Variants in EVC2 observed in about 807,000 individuals in gnomAD.
EVC2 encodes EvC ciliary complex subunit 2.
Under a neutral mutation model 149.3 loss-of-function variants are expected in EVC2, and 148 were observed. That is an observed-to-expected ratio of 0.99 (90% CI 0.87 to 1.14). The LOEUF is 1.14. Among genes scored for constraint, EVC2 ranks in the 50% most tolerant of loss-of-function variants. The probability of loss-of-function intolerance (pLI) is 0.00; values close to 1 mark genes in which losing one functional copy is unlikely to be tolerated. For synonymous variants in EVC2, 776 were observed against 649.9 expected, an observed-to-expected ratio of 1.19 and a Z score of -2.95; for missense variants, 1,854 against 1,627.3, an observed-to-expected ratio of 1.14 and a Z score of -2.40.
Position 5,568,527 on chromosome 4 carries a change from C to A in EVC2, c.3474G>T (p.Leu1158=). The change falls in exon 20 of 22, where the codon CTG becomes CTT. Residue 1158 remains leucine, a synonymous_variant. Transcript: ENST00000344408. The stretch of plus-strand genomic sequence containing the variant: ...CATGTCTCTCGGTGGCCGAATCCAG[C>A]AGGGCCAGCAGCTGAGGCTGTGAGG... ...PTASQPQLLA[L]LDSATERHVD... 1 of 1,591,998 alleles carries A rather than the reference C, an allele frequency of 6.3e-7. No individual in the cohort carries two copies. The highest frequency in any genetic ancestry group is 2.3e-5 in the East Asian group (1 of 44,258).
chr4:5,666,273 T>TTATACTCTA (rs1719279692), intron 7 of EVC2, among the ~76,000 whole-genome samples: 1 of 137,788 alleles, frequency 7.3e-6, no homozygotes, highest in African/African-American at 2.6e-5. Flanking sequence ...TTATTGTTTA[T>TTATACTCTA]AGGTTAATCC....
In EVC2 at chr4:5,696,201, TAA is replaced by T. The variant is rs1278170796; in HGVS notation, c.283+1390_283+1391del. 6.6e-6 allele frequency among the ~76,000 whole-genome samples: 1 copy of T among 152,300 alleles called. No homozygotes were observed. Among genetic ancestry groups the T allele is most frequent in the East Asian group, 1.9e-4 (1 of 5,168 alleles). ...GCTTGTGCAGCAAGCAACCAGGACA[TAA>T]AGTCTTAAGGCCACACCTTACCCTT... On this transcript the variant is annotated intron_variant, in intron 2 of 21. Transcript: ENST00000344408. The surrounding 1 kb of genome is among the most constrained non-coding windows in gnomAD (Gnocchi z 4.1).
chr4:5,646,527 C>T (rs1013710252), intron 9 of EVC2, among the ~76,000 whole-genome samples: 1 of 152,098 alleles, frequency 6.6e-6, no homozygotes, highest in Non-Finnish European at 1.5e-5. Context: ...ATTTTTTAAG[C>T]TGAAATTCTT....
chr4:5,604,443 G>A (rs1294352313), intron 16 of EVC2, among the ~76,000 whole-genome samples: 1 of 152,128 alleles, frequency 6.6e-6, no homozygotes, highest in African/African-American at 2.4e-5. Flanking sequence ...GTGAAATAAG[G>A]CAGCCACAGA....
At chr4:5,590,668 G>A (rs760571302) in intron 16 of EVC2, among the ~76,000 whole-genome samples, 6 of 151,834 alleles carry the variant, frequency 4.0e-5, no homozygotes, top group Non-Finnish European at 7.3e-5. Flanking sequence ...CTCAGTGAGG[G>A]TTTTAGTGTC....
At chr4:5,647,347 G>T (rs1454558696) in intron 9 of EVC2, among the ~76,000 whole-genome samples, 1 of 152,142 alleles carries the variant, frequency 6.6e-6, no homozygotes, top group Non-Finnish European at 1.5e-5. Flanking sequence ...TATATATTTG[G>T]TAGGTTTTGA....
intron 5 of EVC2, among the ~76,000 whole-genome samples, chr4:5,688,514 T>G (rs1720873980): frequency 6.6e-6 from 1 of 152,160 alleles, no homozygotes; most frequent in African/African-American, 2.4e-5. Flanking sequence ...CTAGGGAAAC[T>G]AAGTTCTGAA....
Position 5,618,189 on chromosome 4 carries a change from T to A in EVC2, c.2706+289A>T, listed in dbSNP as rs1469366447. ...GAGTAATATCTCAGGCCAGGCAGCT[T>A]CCCTCAGGAGATTGTGGCTGCGCAA... On this transcript the variant is annotated intron_variant, in intron 15 of 21. Transcript: ENST00000344408. This position sits in a 1 kb window ranked among gnomAD's most constrained non-coding sequence, Gnocchi z 4.4. 6.6e-6 allele frequency among the ~76,000 whole-genome samples: 1 copy of A among 152,080 alleles called. No homozygotes were observed. Among genetic ancestry groups the A allele is most frequent in the Non-Finnish European group, 1.5e-5 (1 of 68,024 alleles).
Position 5,618,561 on chromosome 4 carries a change from C to T in EVC2, c.2623G>A (p.Val875Ile), listed in dbSNP as rs771478207. The change falls in exon 15 of 22, where the codon GTT becomes ATT. Residue 875 changes from valine (V) to isoleucine (I), a missense_variant. Coordinates refer to ENST00000344408, the MANE Select transcript of EVC2 (RefSeq NM_147127.5). This position sits in a 1 kb window ranked among gnomAD's most constrained non-coding sequence, Gnocchi z 4.4. The stretch of plus-strand genomic sequence containing the variant: ...GCAGTCTGAAATTGCTGCAGCAGAA[C>T]TCGGGCCCGGATCTTGGGGAGGGCC... ...SLALPKIRAR[V>I]LLQQFQTAWR... is the part of the protein sequence containing the mutation. 1.9e-6 allele frequency: 3 copies of T among 1,614,184 alleles called. No individual in the cohort carries two copies. Among genetic ancestry groups the T allele is most frequent in the East Asian group, 2.2e-5 (1 of 44,876 alleles).
chr4:5,641,524 T>C (rs948961386), intron 9 of EVC2, among the ~76,000 whole-genome samples: 1 of 152,224 alleles, frequency 6.6e-6, no homozygotes, highest in African/African-American at 2.4e-5. Flanking sequence ...GTCACGGTGT[T>C]CTGAAACCTG....
chr4:5,591,602 T>C (rs746465029), intron 16 of EVC2, among the ~76,000 whole-genome samples: 1 of 152,174 alleles, frequency 6.6e-6, no homozygotes, highest in Non-Finnish European at 1.5e-5. Context: ...GTGGGTGAAG[T>C]GTAAAGCCTT....
chr4:5,678,391 G>C (rs1222318181), intron 7 of EVC2, among the ~76,000 whole-genome samples: 1 of 152,186 alleles, frequency 6.6e-6, no homozygotes, highest in Non-Finnish European at 1.5e-5. Flanking sequence ...ACTGCTGGGA[G>C]AGGACTCTTA....
Position 5,614,785 on chromosome 4 carries a change from C to G in EVC2, c.2829+637G>C, listed in dbSNP as rs1211650593. Among the ~76,000 whole-genome samples the G allele has an allele frequency of 6.6e-6, 1 of 151,984 alleles. No individual in the cohort carries two copies. The highest frequency in any genetic ancestry group is 1.5e-5 in the Non-Finnish European group (1 of 68,000). The stretch of plus-strand genomic sequence containing the variant: ...CTGAAGTCAGGAGTTTGAGACCAAT[C>G]TGGCCAACATGGTGAAACCACATGT... On this transcript the variant is annotated intron_variant, in intron 16 of 21. Transcript: ENST00000344408. This position sits in a 1 kb window ranked among gnomAD's most constrained non-coding sequence, Gnocchi z 4.7.
chr4:5,655,730 T>TA (rs60423052), intron 9 of EVC2, among the ~76,000 whole-genome samples: 1,206 of 67,570 alleles, frequency 0.018, 20 homozygotes, highest in African/African-American at 0.049. Flanking sequence ...AATCCACATG[T>TA]AAAAAAAAAA....
chr4:5,535,601 AAGAG>A, the EVC2 span, among the ~76,000 whole-genome samples: 496 of 118,078 alleles, frequency 4.2e-3, 1 homozygote, highest in Middle Eastern at 0.012. This position sits in a 1 kb window ranked among gnomAD's most constrained non-coding sequence, Gnocchi z 4.7. Flanking sequence ...CATGCTTAGA[AAGAG>A]AGAGAGAGAG....
chr4:5,616,555 C>T (rs1351506958), intron 15 of EVC2, among the ~76,000 whole-genome samples: 1 of 152,168 alleles, frequency 6.6e-6, no homozygotes, highest in Admixed American at 6.5e-5. Flanking sequence ...ACTAAGCATC[C>T]ACTAACATTG....
At chr4:5,599,628 G>A (rs558820865) in intron 16 of EVC2, among the ~76,000 whole-genome samples, 2 of 152,112 alleles carry the variant, frequency 1.3e-5, no homozygotes, top group Non-Finnish European at 2.9e-5. Context: ...GCGAAATGAC[G>A]AGTTAATGGG....
intron 16 of EVC2, among the ~76,000 whole-genome samples, chr4:5,610,600 C>A (rs1714735328): frequency 1.3e-5 from 2 of 151,978 alleles, no homozygotes; most frequent in African/African-American, 4.8e-5. Flanking sequence ...GACATGAGCT[C>A]AGGGCAGGGG....
chr4:5,560,019 C>T (rs145847248), downstream of EVC2, among the ~76,000 whole-genome samples: 262 of 152,150 alleles, frequency 1.7e-3, no homozygotes, highest in Admixed American at 2.6e-3. The surrounding 1 kb of genome is among the most constrained non-coding windows in gnomAD (Gnocchi z 4.1). Flanking sequence ...CAAATTCCCA[C>T]GGCAGGATTT....
Sources: allele counts gnomAD v4.1 joint callset (sites outside exome capture counted in the v4.1 genomes callset), GRCh38; gene constraint gnomAD v4.1.1; non-coding constraint Gnocchi (gnomAD v3.1); transcripts MANE v1.5; gene names NCBI Gene and HGNC (gene_info 2026-07-23, HGNC 2026-07-21).